GPC5: variants seen among roughly 807,000 people sequenced by gnomAD.
GPC5 encodes the protein glypican 5.
GPC5 carries 47 observed loss-of-function variants against 53.9 expected under a neutral mutation model. The ratio of observed to expected loss-of-function variants is 0.87; its 90% CI spans 0.69 to 1.11. The LOEUF (loss-of-function observed/expected upper bound fraction) is 1.11. Ranked by LOEUF, GPC5 falls within the 50% of genes most tolerant of loss-of-function variation. The probability of loss-of-function intolerance (pLI) is 0.00; values close to 1 mark genes in which losing one functional copy is unlikely to be tolerated. For missense variants in GPC5, 748 were observed against 713.1 expected, an observed-to-expected ratio of 1.05 and a Z score of -0.56; for synonymous variants, 286 against 263.3, an observed-to-expected ratio of 1.09 and a Z score of -0.84.
intron 7 of GPC5, among the ~76,000 whole-genome samples, chr13:92,290,630 A>G (rs1014596342): frequency 1.3e-5 from 2 of 152,138 alleles, no homozygotes; most frequent in African/African-American, 4.8e-5. Flanking sequence ...TGAGTCTCCA[A>G]TCTCATCCAG....
At chr13:92,824,174 C>T (rs1000337989) in intron 7 of GPC5, among the ~76,000 whole-genome samples, 2 of 151,958 alleles carry the variant, frequency 1.3e-5, no homozygotes, top group African/African-American at 4.8e-5. Context: ...TCCATTTCCT[C>T]TTATCATCTT....
At chr13:91,521,180 A>G (rs915785044) in intron 2 of GPC5, among the ~76,000 whole-genome samples, 1 of 152,180 alleles carries the variant, frequency 6.6e-6, no homozygotes, top group Admixed American at 6.5e-5. Context: ...ATGAATAGAC[A>G]GAAGAGGTTT....
intron 7 of GPC5, among the ~76,000 whole-genome samples, chr13:92,303,698 T>G (rs1186250312): frequency 6.6e-6 from 1 of 152,184 alleles, no homozygotes; most frequent in Non-Finnish European, 1.5e-5. Flanking sequence ...ATGTGAAGCC[T>G]TACCAAGGTC....
chr13:92,744,371 T>A (rs934353792), intron 7 of GPC5, among the ~76,000 whole-genome samples: 4 of 151,902 alleles, frequency 2.6e-5, no homozygotes, highest in African/African-American at 9.7e-5. Context: ...TAGAAGGTAA[T>A]CACTGGACTG....
intron 6 of GPC5, among the ~76,000 whole-genome samples, chr13:91,969,089 C>T (rs959152391): frequency 6.6e-6 from 1 of 152,112 alleles, no homozygotes; most frequent in South Asian, 2.1e-4. Context: ...CTGCCTCAGC[C>T]TCCCAAGTTG....
intron 6 of GPC5, among the ~76,000 whole-genome samples, chr13:92,003,648 T>C (rs2138758559): frequency 6.6e-6 from 1 of 152,350 alleles, no homozygotes; most frequent in Middle Eastern, 3.4e-3. Context: ...TAGTTAATTC[T>C]TGATTGTAAT....
intron 2 of GPC5, among the ~76,000 whole-genome samples, chr13:91,669,686 G>T (rs1442068957): frequency 6.6e-6 from 1 of 152,150 alleles, no homozygotes; most frequent in Non-Finnish European, 1.5e-5. Context: ...TTAGGTCAAA[G>T]AAGGAGGTTA....
chr13:92,823,338 C>T (rs1877737584), intron 7 of GPC5, among the ~76,000 whole-genome samples: 1 of 151,964 alleles, frequency 6.6e-6, no homozygotes, highest in Admixed American at 6.6e-5. Context: ...TATAAAATGA[C>T]TTGGGAAAAT....
At chr13:92,378,945 A>G (rs2043716509) in intron 7 of GPC5, among the ~76,000 whole-genome samples, 1 of 152,166 alleles carries the variant, frequency 6.6e-6, no homozygotes. Context: ...CTCTAATCAT[A>G]TATTGTGTCT....
At chr13:92,823,341 G>T (rs1433451680) in intron 7 of GPC5, among the ~76,000 whole-genome samples, 1 of 151,886 alleles carries the variant, frequency 6.6e-6, no homozygotes, top group African/African-American at 2.4e-5. Flanking sequence ...AAAATGACTT[G>T]GGAAAATACA....
intron 6 of GPC5, among the ~76,000 whole-genome samples, chr13:91,977,958 AGAAAG>A (rs1566375019): frequency 5.5e-5 from 2 of 36,236 alleles, no homozygotes; most frequent in African/African-American, 1.6e-4. Flanking sequence ...AAAAGAAAAA[AGAAAG>A]AAAGAAAGAA....
chr13:92,275,321 C>T (rs180871150), intron 7 of GPC5, among the ~76,000 whole-genome samples: 2 of 152,082 alleles, frequency 1.3e-5, no homozygotes, highest in African/African-American at 2.4e-5. Context: ...ATGTGAGCAT[C>T]GCCACAGATA....
At chr13:92,049,495 A>T (rs2041009981) in intron 6 of GPC5, among the ~76,000 whole-genome samples, 1 of 152,130 alleles carries the variant, frequency 6.6e-6, no homozygotes, top group Admixed American at 6.6e-5. Context: ...GAAAGCAGAA[A>T]TTATAGATGT....
At chr13:91,792,499 C>T (rs1200764747) in intron 5 of GPC5, among the ~76,000 whole-genome samples, 3 of 152,168 alleles carry the variant, frequency 2.0e-5, no homozygotes, top group African/African-American at 2.4e-5. Flanking sequence ...ATAGAGTGAC[C>T]ACTCTGACTT....
chr13:92,258,246 A>T (rs1288016920), intron 7 of GPC5, among the ~76,000 whole-genome samples: 1 of 152,194 alleles, frequency 6.6e-6, no homozygotes, highest in Non-Finnish European at 1.5e-5. Context: ...CCTTAACAGC[A>T]CTAAAACATG....
chr13:92,304,222 T>G (rs2043095067), intron 7 of GPC5, among the ~76,000 whole-genome samples: 1 of 151,938 alleles, frequency 6.6e-6, no homozygotes, highest in Non-Finnish European at 1.5e-5. Context: ...TTTTTCTTTT[T>G]TAGACAGAGT....
chr13:92,716,746 A>C (rs1374138401), intron 7 of GPC5, among the ~76,000 whole-genome samples: 2 of 152,160 alleles, frequency 1.3e-5, no homozygotes, highest in Non-Finnish European at 2.9e-5. Flanking sequence ...AGTAGCAAAA[A>C]AATACTCCAA....
chr13:92,175,347 C>T (rs745670689), intron 7 of GPC5, among the ~76,000 whole-genome samples: 26 of 152,136 alleles, frequency 1.7e-4, no homozygotes, highest in Non-Finnish European at 2.9e-4. Context: ...ATAAAAGCAT[C>T]TAAATAGGGC....
At chr13:92,280,822 G>T (rs895715202) in intron 7 of GPC5, among the ~76,000 whole-genome samples, 6 of 152,156 alleles carry the variant, frequency 3.9e-5, no homozygotes, top group Non-Finnish European at 7.3e-5. Flanking sequence ...CAGTGTGAGT[G>T]ACACAGAAGA....
Sources: gnomAD v4.1 joint callset for allele counts (sites outside exome capture counted in the v4.1 genomes callset) on GRCh38, gnomAD v4.1.1 for gene constraint, MANE v1.5 for transcripts, NCBI Gene and HGNC (gene_info 2026-07-23, HGNC 2026-07-21) for gene names.